SLC71A2: variants seen among roughly 807,000 people sequenced by gnomAD.
SLC71A2 encodes the protein hippocampus abundant transcript-like 1.
the SLC71A2 span, among the ~76,000 whole-genome samples, chr9:94,424,005 C>G: frequency 6.6e-6 from 1 of 152,162 alleles, no homozygotes; most frequent in African/African-American, 2.4e-5. Context: ...CCAGAAAGAT[C>G]ATTGTGTTTG....
the SLC71A2 span, among the ~76,000 whole-genome samples, chr9:94,388,577 G>T: frequency 6.6e-6 from 1 of 152,082 alleles, no homozygotes; most frequent in Non-Finnish European, 1.5e-5. Flanking sequence ...GTGATGAAAT[G>T]ACTATATGCC....
At chr9:94,459,263 G>T in the SLC71A2 span, 20 of 1,614,028 alleles carry the variant, frequency 1.2e-5, no homozygotes, top group Non-Finnish European at 1.5e-5. Context: ...AGCCAGTGGA[G>T]TTCAAAAACA....
the SLC71A2 span, among the ~76,000 whole-genome samples, chr9:94,408,083 G>GGT: frequency 6.6e-6 from 1 of 152,024 alleles, no homozygotes; most frequent in African/African-American, 2.4e-5. Flanking sequence ...CTCAATCATA[G>GGT]GTGTGTGTAG....
chr9:94,418,296 T>G, the SLC71A2 span, among the ~76,000 whole-genome samples: 1 of 152,212 alleles, frequency 6.6e-6, no homozygotes, highest in Non-Finnish European at 1.5e-5. Context: ...GGTTACTGTT[T>G]CTTTCTTTGT....
the SLC71A2 span, among the ~76,000 whole-genome samples, chr9:94,404,030 T>C: frequency 6.6e-6 from 1 of 152,192 alleles, no homozygotes; most frequent in African/African-American, 2.4e-5. Flanking sequence ...GGGCTCATCC[T>C]CTTTTGCCCT....
the SLC71A2 span, among the ~76,000 whole-genome samples, chr9:94,404,127 A>T: frequency 6.6e-6 from 1 of 152,158 alleles, no homozygotes; most frequent in Non-Finnish European, 1.5e-5. Context: ...TCCAAAACTG[A>T]GAAAATAAAT....
the SLC71A2 span, among the ~76,000 whole-genome samples, chr9:94,418,936 A>G: frequency 6.6e-6 from 1 of 151,960 alleles, no homozygotes; most frequent in African/African-American, 2.4e-5. Context: ...TTCTTTGAAC[A>G]TATTTATAGT....
chr9:94,440,447 T>G, the SLC71A2 span, among the ~76,000 whole-genome samples: 1 of 151,928 alleles, frequency 6.6e-6, no homozygotes, highest in African/African-American at 2.4e-5. Flanking sequence ...ATTAATAGAT[T>G]TTTAAATATT....
chr9:94,374,949 G>C, the SLC71A2 span: 1 of 1,257,976 alleles, frequency 7.9e-7, no homozygotes, highest in Non-Finnish European at 1.0e-6. Flanking sequence ...CGCGGGGCCC[G>C]GCTGCCTGAA....
chr9:94,401,319 C>A, the SLC71A2 span, among the ~76,000 whole-genome samples: 16 of 152,030 alleles, frequency 1.1e-4, no homozygotes, highest in Non-Finnish European at 1.8e-4. Context: ...TTACAGGCGT[C>A]CGCCACCACA....
At chr9:94,445,998 G>T in the SLC71A2 span, among the ~76,000 whole-genome samples, 2 of 152,204 alleles carry the variant, frequency 1.3e-5, no homozygotes, top group Non-Finnish European at 2.9e-5. Context: ...GAGCCAGCCA[G>T]TTAGGCTTCC....
chr9:94,378,811 A>G, the SLC71A2 span, among the ~76,000 whole-genome samples: 2 of 151,782 alleles, frequency 1.3e-5, no homozygotes, highest in South Asian at 4.2e-4. Context: ...TATCTGCCTT[A>G]AAAACAAATT....
chr9:94,421,748 T>A, the SLC71A2 span, among the ~76,000 whole-genome samples: 1 of 152,146 alleles, frequency 6.6e-6, no homozygotes, highest in East Asian at 1.9e-4. Context: ...GCAAACAGCA[T>A]TATTTATGGT....
the SLC71A2 span, among the ~76,000 whole-genome samples, chr9:94,440,291 C>CT: frequency 6.0e-3 from 911 of 152,106 alleles, 7 homozygotes; most frequent in African/African-American, 0.02. Flanking sequence ...GTAGCTGGGA[C>CT]TACAGGCGCC....
chr9:94,401,335 C>T, the SLC71A2 span, among the ~76,000 whole-genome samples: 2 of 152,062 alleles, frequency 1.3e-5, no homozygotes, highest in Non-Finnish European at 2.9e-5. Flanking sequence ...CCACAACCAG[C>T]AAATTTTTTT....
At chr9:94,446,383 AAC>A in the SLC71A2 span, among the ~76,000 whole-genome samples, 1 of 152,232 alleles carries the variant, frequency 6.6e-6, no homozygotes, top group Non-Finnish European at 1.5e-5. Flanking sequence ...ATAAAAGTTG[AAC>A]ATGAACACTT....
the SLC71A2 span, among the ~76,000 whole-genome samples, chr9:94,445,638 C>T: frequency 1.3e-5 from 2 of 152,128 alleles, no homozygotes; most frequent in Non-Finnish European, 2.9e-5. Flanking sequence ...CTCTCTCCCT[C>T]TCTACCTCCC....
chr9:94,382,066 G>T, the SLC71A2 span, among the ~76,000 whole-genome samples: 1 of 151,040 alleles, frequency 6.6e-6, no homozygotes, highest in Non-Finnish European at 1.5e-5. Context: ...CACTTTGGTT[G>T]CCCAGGCTGG....
chr9:94,424,034 C>T, the SLC71A2 span, among the ~76,000 whole-genome samples: 1 of 152,146 alleles, frequency 6.6e-6, no homozygotes, highest in Admixed American at 6.6e-5. Flanking sequence ...TCAGTATTCA[C>T]TTTGGTTGCA....
Sources: allele counts gnomAD v4.1 joint callset (sites outside exome capture counted in the v4.1 genomes callset), GRCh38; gene constraint gnomAD v4.1.1; transcripts MANE v1.5; gene names NCBI Gene and HGNC (gene_info 2026-07-23, HGNC 2026-07-21).